The following CELF1 variants were observed in gnomAD, a reference collection of about 807,000 sequenced individuals.
The protein encoded by CELF1 is CUGBP Elav-like family member 1.
CELF1 carries 10 observed loss-of-function variants against 61.8 expected under a neutral mutation model. The observed-to-expected ratio is 0.16, with a 90% CI of 0.10 to 0.27. The LOEUF (loss-of-function observed/expected upper bound fraction) is 0.27, where lower values mean the gene tolerates loss of function less well. CELF1 is among the 10% of genes least tolerant of loss of function. The probability of loss-of-function intolerance (pLI) is 1.00; values close to 1 mark genes in which losing one functional copy is unlikely to be tolerated. For synonymous variants in CELF1, 236 were observed against 225.1 expected, an observed-to-expected ratio of 1.05 and a Z score of -0.43; for missense variants, 380 against 639.1, an observed-to-expected ratio of 0.59 and a Z score of 4.37.
chr11:47,497,630 T>C (rs144186498), intron 3 of CELF1, among the ~76,000 whole-genome samples: 139 of 152,326 alleles, frequency 9.1e-4, no homozygotes, highest in African/African-American at 3.1e-3. Flanking sequence ...GGAAAAAATG[T>C]TGACAATCCA....
chr11:47,519,467 G>A (rs549570285), intron 1 of CELF1, among the ~76,000 whole-genome samples: 90 of 150,514 alleles, frequency 6.0e-4, no homozygotes, highest in South Asian at 5.2e-3. Context: ...GTGACAGAGC[G>A]AGACTCCATC....
chr11:47,541,706 GAAA>G, intron 1 of CELF1, among the ~76,000 whole-genome samples: 1 of 17,402 alleles, frequency 5.7e-5, no homozygotes, highest in African/African-American at 1.5e-4. Flanking sequence ...AAGAAAGAAA[GAAA>G]GAAAGAAAGA....
rs1171014892 is a variant in CELF1 at position 47,484,526 on chromosome 11, A to G, written c.392-3T>C. On this transcript the variant is annotated splice_region_variant and splice_polypyrimidine_tract_variant and intron_variant, in intron 6 of 14. Transcript: ENST00000687097. ...AAACAGCTTCCTGTCTTCCACTGCT[A>G]AGAGAGTAAAACAGAAAAGACTTGA... 1.7e-5 allele frequency: 28 copies of G among 1,604,242 alleles called. No individual in the cohort carries two copies. The highest frequency in any genetic ancestry group is 2.1e-5 in the Non-Finnish European group (25 of 1,177,266).
intron 10 of CELF1, among the ~76,000 whole-genome samples, chr11:47,478,216 C>A (rs2081141110): frequency 6.6e-6 from 1 of 152,184 alleles, no homozygotes; most frequent in South Asian, 2.1e-4. Context: ...TTTCAAAGAG[C>A]AAAATGCAGT....
chr11:47,495,491 C>G (rs1286249079), intron 3 of CELF1, among the ~76,000 whole-genome samples: 1 of 152,076 alleles, frequency 6.6e-6, no homozygotes, highest in Non-Finnish European at 1.5e-5. Flanking sequence ...AATGGTTACA[C>G]AACTCTGGAA....
intron 1 of CELF1, among the ~76,000 whole-genome samples, chr11:47,542,684 G>A (rs2096839553): frequency 6.6e-6 from 1 of 152,036 alleles, no homozygotes; most frequent in Non-Finnish European, 1.5e-5. Flanking sequence ...TTTCAGTAGA[G>A]ACAGTGTTTC....
chr11:47,513,262 C>G (rs1296394650), intron 1 of CELF1, among the ~76,000 whole-genome samples: 1 of 152,218 alleles, frequency 6.6e-6, no homozygotes, highest in Non-Finnish European at 1.5e-5. Context: ...CATTTATATT[C>G]ATATCCACAG....
intron 1 of CELF1, among the ~76,000 whole-genome samples, chr11:47,516,854 C>A (rs1241580819): frequency 6.6e-6 from 1 of 152,102 alleles, no homozygotes; most frequent in African/African-American, 2.4e-5. Flanking sequence ...CCACTTGCCT[C>A]AGTGTCCCCA....
chr11:47,552,857 A>C, intron 1 of CELF1, 135 bp downstream of exon 1: 77 of 389,816 alleles, frequency 2.0e-4, no homozygotes, highest in Non-Finnish European at 3.0e-4. Flanking sequence ...GACGCAGGGA[A>C]CGAGAAAAGG....
intron 1 of CELF1, among the ~76,000 whole-genome samples, chr11:47,504,176 A>G (rs1370294361): frequency 6.6e-6 from 1 of 151,574 alleles, no homozygotes; most frequent in Non-Finnish European, 1.5e-5. Flanking sequence ...CCCTGTCTCA[A>G]AACAAACAAA....
Position 47,486,731 on chromosome 11 carries a change from A to T in CELF1, c.391+19T>A, listed in dbSNP as rs1265546613. 1.2e-6 allele frequency: 2 copies of T among 1,606,264 alleles called. No homozygotes were observed. Among genetic ancestry groups the T allele is most frequent in the East Asian group, 2.2e-5 (1 of 44,838 alleles). On this transcript the variant is annotated intron_variant, in intron 6 of 14. Transcript: ENST00000687097. ...CCTAGGCAGAAATCTTAAGGGGAAG[A>T]TTGTATACATTTGCTTACCATTGTT...
Position 47,471,249 on chromosome 11 carries a change from T to C in CELF1, c.*981A>G, listed in dbSNP as rs2077630256. 6.6e-6 allele frequency: 1 copy of C among 152,222 alleles called. No individual in the cohort carries two copies. The highest frequency in any genetic ancestry group is 2.1e-4 in the South Asian group (1 of 4,830). 9.4% of individuals were successfully genotyped at this position (152,222 alleles called of 1,614,324 possible). A position where few individuals can be genotyped will look rare whatever the true frequency, so the allele number is the denominator to read the frequency against. On this transcript the variant is annotated 3_prime_UTR_variant, in exon 15 of 15. Transcript: ENST00000687097. The stretch of plus-strand genomic sequence containing the variant: ...AAATGGTACCCCCTTCAGCAAGAAC[T>C]GCAAGCCCTTCTTGGATTTGCCTTC...
intron 1 of CELF1, among the ~76,000 whole-genome samples, chr11:47,508,539 C>T (rs370668333): frequency 6.9e-6 from 1 of 145,420 alleles, no homozygotes; most frequent in Non-Finnish European, 1.5e-5. Flanking sequence ...AACTGCCAGG[C>T]CAAGAGAAAG....
chr11:47,507,681 A>G (rs1217206040), intron 1 of CELF1, among the ~76,000 whole-genome samples: 1 of 152,224 alleles, frequency 6.6e-6, no homozygotes, highest in Non-Finnish European at 1.5e-5. Flanking sequence ...CAAATTCACC[A>G]AGGACAATGT....
At chr11:47,482,348 A>G (rs1285166931) in intron 9 of CELF1, 2 of 177,778 alleles carry the variant, frequency 1.1e-5, no homozygotes, top group Non-Finnish European at 1.2e-5. Flanking sequence ...CATCTGGTAG[A>G]AAGAGATATG....
intron 2 of CELF1, among the ~76,000 whole-genome samples, chr11:47,500,230 T>C (rs189239573): frequency 7.6e-4 from 116 of 152,120 alleles, no homozygotes; most frequent in Admixed American, 2.3e-3. Flanking sequence ...CAAAAGAGCA[T>C]CAATTTCTCA....
intron 1 of CELF1, among the ~76,000 whole-genome samples, chr11:47,507,105 C>T (rs1040591796): frequency 6.6e-6 from 1 of 152,162 alleles, no homozygotes; most frequent in African/African-American, 2.4e-5. Context: ...ACACCATCAA[C>T]TTAAACGATG....
intron 3 of CELF1, among the ~76,000 whole-genome samples, chr11:47,497,173 G>C (rs989949602): frequency 3.9e-5 from 6 of 152,196 alleles, no homozygotes; most frequent in African/African-American, 1.4e-4. Flanking sequence ...TAGATGAAAA[G>C]TAATCAATGA....
chr11:47,492,255 T>C lies in CELF1; in HGVS notation c.72-3231A>G, dbSNP rs189802100. On this transcript the variant is annotated intron_variant, in intron 3 of 14. Coordinates refer to ENST00000687097, the MANE Select transcript of CELF1 (RefSeq NM_001376376.1). Reference sequence around the variant, plus strand: ...TCAGCCTCCCAAAGTGCTGGGATTATAGGCATGGAACTACTGCGCCTGGCC... The same window carrying C: ...TCAGCCTCCCAAAGTGCTGGGATTACAGGCATGGAACTACTGCGCCTGGCC... 5.2e-4 allele frequency among the ~76,000 whole-genome samples: 79 copies of C among 152,276 alleles called. 3 individuals are homozygous for C. The highest frequency in any genetic ancestry group is 1.8e-3 in the African/African-American group (74 of 41,566).
Sources: gnomAD v4.1 joint callset for allele counts (sites outside exome capture counted in the v4.1 genomes callset) on GRCh38, gnomAD v4.1.1 for gene constraint, MANE v1.5 for transcripts, NCBI Gene and HGNC (gene_info 2026-07-23, HGNC 2026-07-21) for gene names.